The following NRXN1 variants were observed in gnomAD, a reference collection of about 807,000 sequenced individuals.
NRXN1 encodes the protein neurexin 1.
A neutral mutation model predicts 150.9 loss-of-function variants in NRXN1; 39 were observed. That is an observed-to-expected ratio of 0.26 (90% confidence interval 0.20 to 0.34). The LOEUF is 0.34. NRXN1 is among the 10% of genes least tolerant of loss of function. The probability of loss-of-function intolerance (pLI) is 1.00; values close to 1 mark genes in which losing one functional copy is unlikely to be tolerated. For synonymous variants in NRXN1, 924 were observed against 757.0 expected, an observed-to-expected ratio of 1.22 and a Z score of -3.62; for missense variants, 1,815 against 1,949.9, an observed-to-expected ratio of 0.93 and a Z score of 1.30.
At chr2:50,410,047 C>T (rs1355299583) in intron 17 of NRXN1, among the ~76,000 whole-genome samples, 1 of 152,100 alleles carries the variant, frequency 6.6e-6, no homozygotes, top group East Asian at 1.9e-4. Context: ...CCTTTTTGTC[C>T]TGTGTCCTTC....
At chr2:50,964,784 C>G (rs528823586) in intron 2 of NRXN1, among the ~76,000 whole-genome samples, 1 of 151,358 alleles carries the variant, frequency 6.6e-6, no homozygotes, top group East Asian at 1.9e-4. Context: ...GTTAAATAAC[C>G]AGGTATTAAA....
At chr2:50,121,351 A>T (rs1254172304) in intron 18 of NRXN1, among the ~76,000 whole-genome samples, 1 of 152,196 alleles carries the variant, frequency 6.6e-6, no homozygotes, top group African/African-American at 2.4e-5. Flanking sequence ...TTTAATCCTT[A>T]CAATTACTTT....
chr2:50,745,307 C>CT (rs1275440303), intron 5 of NRXN1, among the ~76,000 whole-genome samples: 2 of 146,598 alleles, frequency 1.4e-5, no homozygotes, highest in African/African-American at 2.6e-5. Flanking sequence ...CTGCCCCCCC[C>CT]CAGGACTGAA....
At chr2:50,373,077 A>G (rs2080145310) in intron 17 of NRXN1, among the ~76,000 whole-genome samples, 1 of 151,982 alleles carries the variant, frequency 6.6e-6, no homozygotes, top group Non-Finnish European at 1.5e-5. Context: ...ATTTTCTGCA[A>G]ATCTCTACTT....
At chr2:50,714,665 A>T (rs1695632774) in intron 5 of NRXN1, among the ~76,000 whole-genome samples, 1 of 152,174 alleles carries the variant, frequency 6.6e-6, no homozygotes, top group Non-Finnish European at 1.5e-5. Context: ...AAAATATACC[A>T]AATTCTCAAT....
intron 19 of NRXN1, among the ~76,000 whole-genome samples, chr2:50,088,434 A>G (rs1447610757): frequency 2.6e-5 from 4 of 152,088 alleles, no homozygotes; most frequent in Admixed American, 6.5e-5. Flanking sequence ...GAAATTCTTC[A>G]TATGTGCTTT....
At chr2:50,619,625 C>T (rs1408445927) in intron 8 of NRXN1, 5 of 329,518 alleles carry the variant, frequency 1.5e-5, no homozygotes, top group Non-Finnish European at 2.7e-5. Context: ...AGGCTAATTG[C>T]TTTTTCTTCT....
At chr2:50,510,277 G>A (rs1028978124) in intron 12 of NRXN1, among the ~76,000 whole-genome samples, 1 of 151,850 alleles carries the variant, frequency 6.6e-6, no homozygotes, top group Non-Finnish European at 1.5e-5. Flanking sequence ...CACGAGGTCA[G>A]GAGTTTGAGA....
At chr2:50,988,312 T>A (rs559674238) in intron 2 of NRXN1, among the ~76,000 whole-genome samples, 1 of 151,946 alleles carries the variant, frequency 6.6e-6, no homozygotes, top group Non-Finnish European at 1.5e-5. Flanking sequence ...CACCTTGAAA[T>A]AATATAGACT....
intron 5 of NRXN1, among the ~76,000 whole-genome samples, chr2:50,661,794 CT>C (rs1687340401): frequency 6.6e-6 from 1 of 152,032 alleles, no homozygotes; most frequent in African/African-American, 2.4e-5. Context: ...ATCCTGGATA[CT>C]TTTATATTAA....
At chr2:50,772,647 T>C (rs1446304596) in intron 5 of NRXN1, among the ~76,000 whole-genome samples, 1 of 152,108 alleles carries the variant, frequency 6.6e-6, no homozygotes, top group Admixed American at 6.6e-5. Flanking sequence ...ATTATGAATG[T>C]GATTTTCAAA....
chr2:50,260,658 C>A, intron 17 of NRXN1, among the ~76,000 whole-genome samples: 1 of 133,770 alleles, frequency 7.5e-6, no homozygotes, highest in Non-Finnish European at 1.6e-5. Context: ...TTGAAAGAAG[C>A]CGTCTTACAG....
chr2:50,279,719 A>C (rs893642913), intron 17 of NRXN1, among the ~76,000 whole-genome samples: 1 of 152,212 alleles, frequency 6.6e-6, no homozygotes, highest in Non-Finnish European at 1.5e-5. Flanking sequence ...TTGAAAGAAA[A>C]AAAATTCACT....
intron 17 of NRXN1, among the ~76,000 whole-genome samples, chr2:50,426,609 T>C (rs1377574722): frequency 6.6e-6 from 1 of 152,184 alleles, no homozygotes; most frequent in African/African-American, 2.4e-5. Context: ...AATTTCCACA[T>C]CTAATGTACC....
chr2:50,762,723 T>C (rs1190088330), intron 5 of NRXN1, among the ~76,000 whole-genome samples: 1 of 152,012 alleles, frequency 6.6e-6, no homozygotes, highest in Non-Finnish European at 1.5e-5. Flanking sequence ...CACCAGATTT[T>C]CTTTACCAAA....
intron 17 of NRXN1, among the ~76,000 whole-genome samples, chr2:50,349,921 G>C: frequency 6.6e-6 from 1 of 152,102 alleles, no homozygotes; most frequent in Non-Finnish European, 1.5e-5. Context: ...TGCCTGAAGG[G>C]GACAAGAGTC....
chr2:50,376,036 C>CAT (rs200888302), intron 17 of NRXN1, among the ~76,000 whole-genome samples: 2,036 of 144,376 alleles, frequency 0.014, 59 homozygotes, highest in African/African-American at 0.051. Flanking sequence ...CACATAAATA[C>CAT]ATATATATAT....
chr2:50,297,039 C>A (rs2073666730), intron 17 of NRXN1, among the ~76,000 whole-genome samples: 1 of 149,496 alleles, frequency 6.7e-6, no homozygotes, highest in Non-Finnish European at 1.5e-5. Flanking sequence ...AGTGCCACCA[C>A]ACCCAGCTAA....
intron 17 of NRXN1, among the ~76,000 whole-genome samples, chr2:50,368,497 A>C (rs1038503941): frequency 1.3e-5 from 2 of 151,986 alleles, no homozygotes; most frequent in Non-Finnish European, 2.9e-5. Context: ...GAATTCTAGT[A>C]TCCAGATCAT....
Sources: gnomAD v4.1 joint callset for allele counts (sites outside exome capture counted in the v4.1 genomes callset) on GRCh38, gnomAD v4.1.1 for gene constraint, MANE v1.5 for transcripts, NCBI Gene and HGNC (gene_info 2026-07-23, HGNC 2026-07-21) for gene names.